Variants in TTC9 observed in about 807,000 individuals in gnomAD.
The protein encoded by TTC9 is tetratricopeptide repeat protein 9A.
In TTC9, 13 loss-of-function variants were observed where a neutral mutation model predicts 22.9. That is an observed-to-expected ratio of 0.57 (90% confidence interval 0.37 to 0.90). The LOEUF (loss-of-function observed/expected upper bound fraction) is 0.90. Among genes scored for constraint, TTC9 ranks in the 40% least tolerant of loss-of-function variants. TTC9 has a pLI of 0.01. For missense variants in TTC9, 280 were observed against 291.8 expected (o/e 0.96, Z 0.29); for synonymous variants, 148 against 133.2 (o/e 1.11, Z -0.77).
Position 70,653,344 on chromosome 14 carries a change from G to A in TTC9, c.406+10809G>A, listed in dbSNP as rs149779004. On this transcript the variant is annotated intron_variant, in intron 1 of 2. Coordinates refer to ENST00000256367, the MANE Select transcript of TTC9 (RefSeq NM_015351.2). ...AGGTGAGGACAAAACAGGGGCCAGG[G>A]GAAAGAGTGCCATCTCCCTAAGTGT... 5.0e-3 allele frequency among the ~76,000 whole-genome samples: 757 copies of A among 152,298 alleles called. 1 individual carries two copies. The highest frequency in any genetic ancestry group is 7.9e-3 in the South Asian group (38 of 4,814).
chr14:70,669,794 T>C (rs1004396103), intron 2 of TTC9, among the ~76,000 whole-genome samples: 1 of 152,204 alleles, frequency 6.6e-6, no homozygotes, highest in Non-Finnish European at 1.5e-5. Context: ...GGAGCACTGC[T>C]ATCTGCCAGC....
intron 1 of TTC9, among the ~76,000 whole-genome samples, chr14:70,656,035 G>T (rs944140303): frequency 3.3e-5 from 5 of 151,924 alleles, no homozygotes; most frequent in African/African-American, 1.2e-4. Context: ...TTTCATCTAC[G>T]TGTGTGCCTG....
At chr14:70,644,989 G>A (rs1354858569) in intron 1 of TTC9, among the ~76,000 whole-genome samples, 7 of 152,138 alleles carry the variant, frequency 4.6e-5, no homozygotes, top group Admixed American at 4.6e-4. Context: ...GCGGGCACCT[G>A]TAGTCCCAGT....
intron 1 of TTC9, among the ~76,000 whole-genome samples, chr14:70,655,118 G>T (rs964438627): frequency 2.0e-5 from 3 of 152,204 alleles, no homozygotes; most frequent in Non-Finnish European, 4.4e-5. Context: ...AGCAGCCCAG[G>T]CTCAGTGGCT....
In TTC9 at chr14:70,642,336, G is replaced by A. The variant is rs1885828628; in HGVS notation, c.207G>A (p.Lys69=). 3 of 1,596,960 alleles carry A rather than the reference G, an allele frequency of 1.9e-6. No homozygotes were observed. The highest frequency in any genetic ancestry group is 2.7e-5 in the African/African-American group (2 of 73,972). ...EFKSQGAQCY[K]DKKFREAIGK... is the part of the protein sequence containing the mutation. ...AAAGCCAAGGGGCGCAGTGCTACAA[G>A]GACAAGAAATTCCGTGAAGCCATAG... is the stretch of plus-strand genomic sequence containing the variant. The change falls in exon 1 of 3, where the codon AAG becomes AAA. Residue 69 remains lysine, a synonymous_variant. Transcript: ENST00000256367.
At position 70,642,096 on chromosome 14, in the gene TTC9, C is replaced by T. The variant is rs1444364152; in HGVS notation, c.-34C>T. ...GCGGCGGCGGCGGCGGCGGGCAGAT[C>T]GCGGCGCGCACCAGGCGCCGGGGCG... is the stretch of plus-strand genomic sequence containing the variant. On this transcript the variant is annotated 5_prime_UTR_variant, in exon 1 of 3. Coordinates refer to ENST00000256367, the MANE Select transcript of TTC9 (RefSeq NM_015351.2). 9.4e-6 allele frequency: 10 copies of T among 1,065,542 alleles called. No homozygotes were observed. Among genetic ancestry groups the T allele is most frequent in the Non-Finnish European group, 1.1e-5 (10 of 883,944 alleles). The allele number at this position is 1,065,542 out of a possible 1,614,324, so 66.0% of individuals were successfully genotyped here.
At chr14:70,653,710 G>T (rs1886017717) in intron 1 of TTC9, among the ~76,000 whole-genome samples, 1 of 132,498 alleles carries the variant, frequency 7.5e-6, no homozygotes, top group Non-Finnish European at 1.7e-5. Context: ...GATTCCCCCT[G>T]ACCCTGTCTT....
At chr14:70,665,157 A>G (rs1264904267) in intron 1 of TTC9, among the ~76,000 whole-genome samples, 1 of 152,102 alleles carries the variant, frequency 6.6e-6, no homozygotes, top group Non-Finnish European at 1.5e-5. Context: ...AGGGTCAGCA[A>G]ACAGAAGTGT....
intron 1 of TTC9, among the ~76,000 whole-genome samples, chr14:70,651,083 C>A (rs143863707): frequency 6.6e-6 from 1 of 152,104 alleles, no homozygotes. Context: ...TGGATTCAAG[C>A]GATTCTCCTG....
In TTC9 at chr14:70,673,076, AG is replaced by A. The variant is rs1420218302; in HGVS notation, c.*1922del. 3.3e-5 allele frequency: 5 copies of A among 152,378 alleles called. No individual in the cohort carries two copies. Among genetic ancestry groups the A allele is most frequent in the African/African-American group, 1.2e-4 (5 of 41,582 alleles). The allele number at this position is 152,378 out of a possible 1,614,324, so 9.4% of individuals were successfully genotyped here. A position where few individuals can be genotyped will look rare whatever the true frequency, so the allele number is the denominator to read the frequency against. ...CTAGTAGTCAGAGCAGTGACAGGTCAGAAAAAGGCAGCTGAGGTCCAATAGT... is the reference window on the plus strand; with the variant it reads ...CTAGTAGTCAGAGCAGTGACAGGTCAAAAAAGGCAGCTGAGGTCCAATAGT... On this transcript the variant is annotated 3_prime_UTR_variant, in exon 3 of 3. Coordinates refer to ENST00000256367, the MANE Select transcript of TTC9 (RefSeq NM_015351.2).
intron 1 of TTC9, among the ~76,000 whole-genome samples, chr14:70,666,196 C>A (rs1432186971): frequency 2.0e-5 from 3 of 152,154 alleles, no homozygotes; most frequent in Non-Finnish European, 2.9e-5. Context: ...ATCCTCCAGG[C>A]GTGTCATCAC....
intron 1 of TTC9, among the ~76,000 whole-genome samples, chr14:70,659,399 C>T (rs940790697): frequency 2.0e-5 from 3 of 152,040 alleles, no homozygotes; most frequent in Admixed American, 2.0e-4. Context: ...TTTGCAAGCA[C>T]TAGCTAAGCA....
In TTC9 at chr14:70,641,935, GCGGC is replaced by G; in HGVS notation, c.-194_-191del. ...GCCGGCGTCCGAGGCGGCGGCGGCG[GCGGC>G]TGGAGCAGCCTCTGGCAGCAGCGGG... On this transcript the variant is annotated 5_prime_UTR_variant, in exon 1 of 3. Coordinates refer to ENST00000256367, the MANE Select transcript of TTC9 (RefSeq NM_015351.2). The G allele has an allele frequency of 4.4e-6, 1 of 227,052 alleles. No individual in the cohort carries two copies. The highest frequency in any genetic ancestry group is 7.4e-6 in the Non-Finnish European group (1 of 134,574). The allele number at this position is 227,052 out of a possible 1,614,324, so 14.1% of individuals were successfully genotyped here. A position where few individuals can be genotyped will look rare whatever the true frequency, so the allele number is the denominator to read the frequency against.
intron 1 of TTC9, among the ~76,000 whole-genome samples, chr14:70,651,520 T>C (rs1885984781): frequency 6.6e-6 from 1 of 152,086 alleles, no homozygotes; most frequent in African/African-American, 2.4e-5. Context: ...AAAAAAAGTT[T>C]GAATGCCTCA....
rs1885817136 is a variant in TTC9, at chr14:70,642,018, A to G, written c.-112A>G. The G allele has an allele frequency of 2.8e-6, 2 of 712,390 alleles. No individual in the cohort carries two copies. Among genetic ancestry groups the G allele is most frequent in the African/African-American group, 2.0e-5 (1 of 50,708 alleles). 44.1% of individuals were successfully genotyped at this position (712,390 alleles called of 1,614,324 possible). A position where few individuals can be genotyped will look rare whatever the true frequency, so the allele number is the denominator to read the frequency against. ...CCGCGGGGTGTCACGGCCGCCACGA[A>G]GCCTGCGAGGCGCGGGGCCGGCGCC... On this transcript the variant is annotated 5_prime_UTR_variant, in exon 1 of 3. Coordinates refer to ENST00000256367, the MANE Select transcript of TTC9 (RefSeq NM_015351.2).
Position 70,642,075 on chromosome 14 carries a change from C to T in TTC9, c.-55C>T. ...TTTTAAACCCGGGAAGGCGCGGCGG[C>T]GGCGGCGGCGGCGGGCAGATCGCGG... On this transcript the variant is annotated 5_prime_UTR_variant, in exon 1 of 3. Coordinates refer to ENST00000256367, the MANE Select transcript of TTC9 (RefSeq NM_015351.2). The T allele has an allele frequency of 1.4e-5, 14 of 1,019,072 alleles. No individual in the cohort carries two copies. The highest frequency in any genetic ancestry group is 1.6e-5 in the Non-Finnish European group (14 of 852,532). 63.1% of individuals were successfully genotyped at this position (1,019,072 alleles called of 1,614,324 possible). A position where few individuals can be genotyped will look rare whatever the true frequency, so the allele number is the denominator to read the frequency against.
intron 2 of TTC9, among the ~76,000 whole-genome samples, chr14:70,668,520 C>T (rs981591588): frequency 1.3e-5 from 2 of 152,102 alleles, no homozygotes; most frequent in African/African-American, 2.4e-5. Flanking sequence ...TAGTAATAAA[C>T]GCTGTGAAGA....
chr14:70,654,682 C>T (rs1160101760), intron 1 of TTC9, among the ~76,000 whole-genome samples: 6 of 147,258 alleles, frequency 4.1e-5, no homozygotes, highest in Non-Finnish European at 6.0e-5. Context: ...AAAGAAAAAC[C>T]TCAGACAAAT....
At chr14:70,648,842 TA>T (rs1000949391) in intron 1 of TTC9, among the ~76,000 whole-genome samples, 12 of 152,058 alleles carry the variant, frequency 7.9e-5, no homozygotes, top group African/African-American at 1.4e-4. Flanking sequence ...GTACCAGACT[TA>T]AAAAAAACAA....
Sources: gnomAD v4.1 joint callset for allele counts (sites outside exome capture counted in the v4.1 genomes callset) on GRCh38, gnomAD v4.1.1 for gene constraint, MANE v1.5 for transcripts, NCBI Gene and HGNC (gene_info 2026-07-23, HGNC 2026-07-21) for gene names.